SF3B3: variants seen among roughly 807,000 people sequenced by gnomAD.
The protein encoded by SF3B3 is SAP 130.
A neutral mutation model predicts 139.2 loss-of-function variants in SF3B3; 33 were observed. The ratio of observed to expected loss-of-function variants is 0.24; its 90% CI spans 0.18 to 0.32. SF3B3 has a LOEUF of 0.32. Ranked by LOEUF, SF3B3 falls within the 10% of genes least tolerant of loss-of-function variation. SF3B3 has a pLI of 1.00. For synonymous variants in SF3B3, 596 were observed against 563.6 expected (o/e 1.06, Z -0.81); for missense variants, 818 against 1,509.4 (o/e 0.54, Z 7.59).
intron 23 of SF3B3, 89 bp downstream of exon 23, chr16:70,569,230 C>G: frequency 1.2e-6 from 1 of 860,010 alleles, no homozygotes; most frequent in South Asian, 1.6e-5. Flanking sequence ...GTGAATTATT[C>G]ATAGTGCACA....
intron 8 of SF3B3, among the ~76,000 whole-genome samples, chr16:70,541,305 T>C (rs1158201012): frequency 6.6e-6 from 1 of 151,718 alleles, no homozygotes; most frequent in Non-Finnish European, 1.5e-5. Flanking sequence ...TATTTTTGAG[T>C]TCTCTATGTG....
chr16:70,526,773 C>T (rs761749839), intron 2 of SF3B3, 47 bp downstream of exon 2: 1 of 1,282,736 alleles, frequency 7.8e-7, no homozygotes, highest in South Asian at 1.2e-5. Flanking sequence ...TGAATTAATA[C>T]ATATCTTGCT....
chr16:70,544,920 G>A (rs1251109417), intron 10 of SF3B3, among the ~76,000 whole-genome samples: 2 of 152,106 alleles, frequency 1.3e-5, no homozygotes, highest in Non-Finnish European at 2.9e-5. Context: ...ATGACATGGA[G>A]GCTAGGAAAT....
chr16:70,523,993 G>T, intron 1 of SF3B3, 65 bp downstream of exon 1: 1 of 421,222 alleles, frequency 2.4e-6, no homozygotes, highest in Non-Finnish European at 4.2e-6. Context: ...ATGGAAGGGG[G>T]ACCCGAGACT....
intron 1 of SF3B3, among the ~76,000 whole-genome samples, chr16:70,525,226 CTG>C (rs1199105303): frequency 6.6e-6 from 1 of 151,906 alleles, no homozygotes; most frequent in Non-Finnish European, 1.5e-5. Flanking sequence ...GGGGTTTTCA[CTG>C]TGTTGGCCAG....
In SF3B3 at chr16:70,569,928, G is replaced by A. The variant is rs1597725523; in HGVS notation, c.3265-78G>A. ...TTAATAGATGATGAAATGTGCCTTA[G>A]GGAGCACTGCTTGCCCTTGGGAGTC... On this transcript the variant is annotated intron_variant, in intron 23 of 25. Coordinates refer to ENST00000302516, the MANE Select transcript of SF3B3 (RefSeq NM_012426.5). 9.2e-6 allele frequency: 14 copies of A among 1,519,872 alleles called. No homozygotes were observed. In the Middle Eastern group the frequency reaches 6.1e-4, roughly 67 times the overall value. The allele number at this position is 1,519,872 out of a possible 1,614,324, so 94.1% of individuals were successfully genotyped here. A position where few individuals can be genotyped will look rare whatever the true frequency, so the allele number is the denominator to read the frequency against.
chr16:70,549,677 G>C (rs1049235382), intron 11 of SF3B3, among the ~76,000 whole-genome samples: 1 of 152,124 alleles, frequency 6.6e-6, no homozygotes, highest in Admixed American at 6.5e-5. Flanking sequence ...TGTAATCCCA[G>C]CATATTGGGA....
At position 70,535,363 on chromosome 16, in the gene SF3B3, T is replaced by C; in HGVS notation, c.768T>C (p.Ile256=). 6.2e-7 allele frequency: 1 copy of C among 1,612,250 alleles called. No individual in the cohort carries two copies. Among genetic ancestry groups the C allele is most frequent in the Non-Finnish European group, 8.5e-7 (1 of 1,178,990 alleles). ...TACTGATCTGCTCTGAAAACTATATTACTTACAAGAACTTTGGTGACCAGC... is the reference window on the plus strand; with the variant it reads ...TACTGATCTGCTCTGAAAACTATATCACTTACAAGAACTTTGGTGACCAGC... ...SGVLICSENY[I]TYKNFGDQPD... The change falls in exon 6 of 26, where the codon ATT becomes ATC. Residue 256 remains isoleucine, a synonymous_variant. Coordinates refer to ENST00000302516, the MANE Select transcript of SF3B3 (RefSeq NM_012426.5).
intron 15 of SF3B3, among the ~76,000 whole-genome samples, chr16:70,558,270 ATG>A (rs1415416593): frequency 2.1e-5 from 2 of 96,324 alleles, no homozygotes; most frequent in Non-Finnish European, 3.7e-5. Context: ...AGTAATTTTA[ATG>A]TTTTTTTTTT....
At chr16:70,551,261 AC>A (rs2050322239) in intron 11 of SF3B3, among the ~76,000 whole-genome samples, 1 of 152,208 alleles carries the variant, frequency 6.6e-6, no homozygotes, top group African/African-American at 2.4e-5. Context: ...ACCTAAAGAT[AC>A]AGTCTCATAC....
intron 10 of SF3B3, among the ~76,000 whole-genome samples, chr16:70,547,237 A>G (rs968652666): frequency 2.0e-5 from 3 of 152,358 alleles, no homozygotes; most frequent in Non-Finnish European, 2.9e-5. Flanking sequence ...CCAGTAAACT[A>G]GGAAAAGGGC....
At position 70,571,131 on chromosome 16, in the gene SF3B3, C is replaced by A. The variant is rs748080523; in HGVS notation, c.3445C>A (p.Arg1149=). The A allele has an allele frequency of 1.2e-6, 2 of 1,614,040 alleles. No individual in the cohort carries two copies. Among genetic ancestry groups the A allele is most frequent in the South Asian group, 1.1e-5 (1 of 91,074 alleles). Residue 1149 remains arginine (R), a synonymous_variant, in exon 25 of 26, where the codon CGG becomes AGG. Transcript: ENST00000302516. ...CTTCCAGCATGTGGAAATGCACCTG[C>A]GGTCTGAACATCCCCCTCTCTGTGG... is the stretch of plus-strand genomic sequence containing the variant. ...DFFQHVEMHL[R]SEHPPLCGRD...
intron 9 of SF3B3, among the ~76,000 whole-genome samples, chr16:70,542,667 G>T (rs185262890): frequency 6.6e-6 from 1 of 151,832 alleles, no homozygotes; most frequent in South Asian, 2.1e-4. Flanking sequence ...TCTGAGAAAC[G>T]ATTAGTCTTG....
intron 20 of SF3B3, among the ~76,000 whole-genome samples, chr16:70,566,640 C>A (rs1001190430): frequency 2.0e-5 from 3 of 152,178 alleles, no homozygotes; most frequent in Non-Finnish European, 4.4e-5. Flanking sequence ...AAAGAATATT[C>A]TCTTCTCCAC....
At chr16:70,532,888 G>A (rs1277751767) in intron 5 of SF3B3, among the ~76,000 whole-genome samples, 1 of 152,156 alleles carries the variant, frequency 6.6e-6, no homozygotes, top group African/African-American at 2.4e-5. Context: ...ATTGATTACT[G>A]TTAGTTGCTG....
At chr16:70,543,717 T>A (rs1038879406) in intron 9 of SF3B3, among the ~76,000 whole-genome samples, 3 of 151,804 alleles carry the variant, frequency 2.0e-5, no homozygotes, top group East Asian at 1.9e-4. Context: ...TAAAAAAAAA[T>A]AAAATAAATA....
At chr16:70,563,178 C>T (rs948514336) in intron 17 of SF3B3, among the ~76,000 whole-genome samples, 1 of 152,180 alleles carries the variant, frequency 6.6e-6, no homozygotes, top group African/African-American at 2.4e-5. Context: ...CCATGTTACC[C>T]AGGCTTGTCT....
chr16:70,536,255 C>T (rs940569633), intron 6 of SF3B3, among the ~76,000 whole-genome samples: 12 of 151,984 alleles, frequency 7.9e-5, no homozygotes, highest in African/African-American at 2.9e-4. Flanking sequence ...GAAACCTCTG[C>T]CCCCCGGGTT....
At position 70,549,140 on chromosome 16, in the gene SF3B3, C is replaced by T. The variant is rs546877100; in HGVS notation, c.1402+698C>T. Among the ~76,000 whole-genome samples, 8 of 152,332 alleles carry T rather than the reference C, an allele frequency of 5.3e-5. No homozygotes were observed. The East Asian group carries it at 1.2e-3, about 22-fold the overall frequency. On this transcript the variant is annotated intron_variant, in intron 11 of 25. Coordinates refer to ENST00000302516, the MANE Select transcript of SF3B3 (RefSeq NM_012426.5). ...TTTCCCTTGATTCACATTGGAGCTA[C>T]GTTTTTCTCTTGTTCTCTCAGGAAT...
Sources: allele counts gnomAD v4.1 joint callset (sites outside exome capture counted in the v4.1 genomes callset), GRCh38; gene constraint gnomAD v4.1.1; transcripts MANE v1.5; gene names NCBI Gene and HGNC (gene_info 2026-07-23, HGNC 2026-07-21).